The following BMPR1B variants were observed in gnomAD, a reference collection of about 807,000 sequenced individuals.
The protein encoded by BMPR1B is bone morphogenetic protein receptor type-1B.
BMPR1B carries 12 observed loss-of-function variants against 59.1 expected under a neutral mutation model. The observed-to-expected ratio is 0.20, with a 90% CI of 0.13 to 0.33. The LOEUF is 0.33. Ranked by LOEUF, BMPR1B falls within the 10% of genes least tolerant of loss-of-function variation. BMPR1B has a pLI of 1.00. For synonymous variants in BMPR1B, 237 were observed against 207.3 expected, an observed-to-expected ratio of 1.14 and a Z score of -1.23; for missense variants, 550 against 610.9, an observed-to-expected ratio of 0.90 and a Z score of 1.05.
chr4:94,775,708 A>G (rs1722338515), intron 1 of BMPR1B, among the ~76,000 whole-genome samples: 1 of 152,240 alleles, frequency 6.6e-6, no homozygotes, highest in Non-Finnish European at 1.5e-5. Flanking sequence ...AGCCTTAATT[A>G]AAGTTTTATT....
At chr4:95,110,001 A>G (rs1731516131) in intron 4 of BMPR1B, among the ~76,000 whole-genome samples, 1 of 151,770 alleles carries the variant, frequency 6.6e-6, no homozygotes. Context: ...GGAGGCTTTT[A>G]TAAGGAATAA....
At chr4:95,083,833 CAT>C (rs1487886070) in intron 3 of BMPR1B, among the ~76,000 whole-genome samples, 2 of 152,084 alleles carry the variant, frequency 1.3e-5, no homozygotes, top group African/African-American at 2.4e-5. Flanking sequence ...GAATGAAAAA[CAT>C]AATCACTTGA....
chr4:95,002,754 G>C (rs1175183550), intron 3 of BMPR1B, among the ~76,000 whole-genome samples: 2 of 151,934 alleles, frequency 1.3e-5, no homozygotes, highest in Non-Finnish European at 2.9e-5. Flanking sequence ...ATTTTCGATT[G>C]GATTAATACC....
intron 1 of BMPR1B, among the ~76,000 whole-genome samples, chr4:94,829,681 A>T: frequency 6.6e-6 from 1 of 152,202 alleles, no homozygotes; most frequent in South Asian, 2.1e-4. Flanking sequence ...TTAAGAGTGC[A>T]TAGAAATGGA....
At chr4:95,066,788 C>G (rs1387901677) in intron 3 of BMPR1B, among the ~76,000 whole-genome samples, 2 of 152,104 alleles carry the variant, frequency 1.3e-5, no homozygotes, top group South Asian at 2.1e-4. Context: ...GCCCAGAGAT[C>G]CATGTTTTAA....
intron 10 of BMPR1B, among the ~76,000 whole-genome samples, chr4:95,135,204 C>G (rs1733679331): frequency 6.6e-6 from 1 of 152,054 alleles, no homozygotes; most frequent in Non-Finnish European, 1.5e-5. Flanking sequence ...GGCCTCTGTT[C>G]TGTTCCATTG....
chr4:94,813,246 G>GA (rs796707719), intron 1 of BMPR1B, among the ~76,000 whole-genome samples: 4 of 151,584 alleles, frequency 2.6e-5, no homozygotes, highest in South Asian at 2.1e-4. Context: ...AGAGCTGTGG[G>GA]AAAAAAAAGG....
chr4:94,948,497 G>A (rs116388145), intron 2 of BMPR1B, among the ~76,000 whole-genome samples: 4,435 of 152,218 alleles, frequency 0.029, 207 homozygotes, highest in African/African-American at 0.1. Context: ...AGTAAGTAAT[G>A]CTTTTGAGGT....
chr4:95,114,941 C>G, intron 5 of BMPR1B, 119 bp downstream of exon 5: 2 of 948,130 alleles, frequency 2.1e-6, no homozygotes, highest in Non-Finnish European at 3.5e-6. Flanking sequence ...ATGAGCTGCA[C>G]AAAAACATTT....
At chr4:95,050,458 G>A (rs536280928) in intron 3 of BMPR1B, among the ~76,000 whole-genome samples, 53 of 152,230 alleles carry the variant, frequency 3.5e-4, no homozygotes, top group African/African-American at 1.1e-3. Context: ...TGTAGTATGT[G>A]TAAAATTATC....
chr4:94,977,309 G>A (rs1317978706), intron 2 of BMPR1B, among the ~76,000 whole-genome samples: 1 of 152,114 alleles, frequency 6.6e-6, no homozygotes, highest in Non-Finnish European at 1.5e-5. Context: ...TCATATTGGT[G>A]TTAAAGGGTT....
chr4:95,023,032 A>G (rs1724104479), intron 3 of BMPR1B, among the ~76,000 whole-genome samples: 1 of 152,192 alleles, frequency 6.6e-6, no homozygotes, highest in Non-Finnish European at 1.5e-5. Context: ...CTTTATTTCC[A>G]GAAATACAGT....
At chr4:95,036,193 T>C (rs1330229523) in intron 3 of BMPR1B, among the ~76,000 whole-genome samples, 1 of 152,114 alleles carries the variant, frequency 6.6e-6, no homozygotes, top group East Asian at 1.9e-4. Flanking sequence ...TCAGGGCAAA[T>C]GGGGTATCCA....
intron 2 of BMPR1B, among the ~76,000 whole-genome samples, chr4:94,993,760 CAAAAA>C (rs34395946): frequency 7.3e-5 from 5 of 68,588 alleles, no homozygotes; most frequent in Non-Finnish European, 1.4e-4. Flanking sequence ...GACTCCATCT[CAAAAA>C]AAAAAAAAAA....
chr4:94,890,585 T>C (rs944663960), intron 2 of BMPR1B, among the ~76,000 whole-genome samples: 1 of 152,102 alleles, frequency 6.6e-6, no homozygotes, highest in Non-Finnish European at 1.5e-5. Flanking sequence ...CGAAATACTT[T>C]AGAGTGGGTG....
intron 1 of BMPR1B, among the ~76,000 whole-genome samples, chr4:94,849,576 TAGAG>T (rs1488534254): frequency 6.6e-6 from 1 of 151,850 alleles, no homozygotes; most frequent in Non-Finnish European, 1.5e-5. Flanking sequence ...AATGATCTAG[TAGAG>T]AGAGAAAAGA....
chr4:95,097,036 T>C (rs536959929), intron 3 of BMPR1B, among the ~76,000 whole-genome samples: 184 of 145,538 alleles, frequency 1.3e-3, no homozygotes, highest in African/African-American at 4.2e-3. Context: ...TTATATAATA[T>C]AGTTATATAC....
intron 1 of BMPR1B, among the ~76,000 whole-genome samples, chr4:94,867,936 C>A (rs901010310): frequency 6.6e-6 from 1 of 152,170 alleles, no homozygotes; most frequent in Non-Finnish European, 1.5e-5. Context: ...ACTCAGCCCC[C>A]TGGGCCCCAG....
At chr4:95,130,833 C>T (rs189886912) in intron 9 of BMPR1B, among the ~76,000 whole-genome samples, 229 of 142,892 alleles carry the variant, frequency 1.6e-3, no homozygotes, top group African/African-American at 5.4e-3. Flanking sequence ...CAGGTTAAAG[C>T]AATTCTCCTG....
Sources: allele counts gnomAD v4.1 joint callset (sites outside exome capture counted in the v4.1 genomes callset), GRCh38; gene constraint gnomAD v4.1.1; transcripts MANE v1.5; gene names NCBI Gene and HGNC (gene_info 2026-07-23, HGNC 2026-07-21).